Variants in CEP112 observed in about 807,000 individuals in gnomAD.
CEP112 encodes the protein centrosomal protein of 112 kDa.
CEP112 carries 127 observed loss-of-function variants against 153.0 expected under a neutral mutation model. The observed-to-expected ratio is 0.83, with a 90% CI of 0.72 to 0.96. The LOEUF (loss-of-function observed/expected upper bound fraction) is 0.96, where lower values mean the gene tolerates loss of function less well. Among genes scored for constraint, CEP112 ranks in the 40% least tolerant of loss-of-function variants. CEP112 has a pLI of 0.00. For synonymous variants in CEP112, 358 were observed against 374.4 expected (o/e 0.96, Z 0.51); for missense variants, 1,089 against 1,101.2 (o/e 0.99, Z 0.16).
chr17:65,670,976 A>T (rs1162614823), intron 24 of CEP112, among the ~76,000 whole-genome samples: 4 of 152,210 alleles, frequency 2.6e-5, no homozygotes, highest in Non-Finnish European at 4.4e-5. Context: ...TTGAAAAAAT[A>T]ACCCATTATT....
In CEP112 at chr17:65,761,273, T is replaced by A. The variant is rs75339836; in HGVS notation, c.2395-10549A>T. On this transcript the variant is annotated intron_variant, in intron 21 of 26. Coordinates refer to ENST00000535342, the MANE Select transcript of CEP112 (RefSeq NM_001199165.4). The stretch of plus-strand genomic sequence containing the variant: ...TGCTCTAATTCTTTTAAACTTTTTT[T>A]AAATTATTTTTATTTTTATTTTTAA... Among the ~76,000 whole-genome samples, 1,415 of 151,874 alleles carry A rather than the reference T, an allele frequency of 9.3e-3. 22 individuals are homozygous for A. Among genetic ancestry groups the A allele is most frequent in the African/African-American group, 0.031 (1,281 of 41,486 alleles).
chr17:65,982,226 TA>T (rs1255353226), intron 17 of CEP112, among the ~76,000 whole-genome samples: 1 of 152,224 alleles, frequency 6.6e-6, no homozygotes, highest in Non-Finnish European at 1.5e-5. Context: ...AATTATATGC[TA>T]TTTTTTATGA....
At chr17:66,100,332 G>A (rs184914348) in intron 6 of CEP112, among the ~76,000 whole-genome samples, 2,193 of 151,162 alleles carry the variant, frequency 0.015, 25 homozygotes, top group Middle Eastern at 0.048. Context: ...CCCTGGAGGC[G>A]GAGCTTGCAG....
At chr17:65,750,404 T>A (rs1039342416) in intron 22 of CEP112, among the ~76,000 whole-genome samples, 41 of 152,164 alleles carry the variant, frequency 2.7e-4, no homozygotes, top group African/African-American at 9.4e-4. Context: ...TTTTACAACA[T>A]CTGAGAGTGT....
chr17:66,034,026 A>AC (rs753898135), intron 12 of CEP112, among the ~76,000 whole-genome samples: 33 of 152,118 alleles, frequency 2.2e-4, no homozygotes, highest in Non-Finnish European at 4.3e-4. Flanking sequence ...CTTTTTCTGT[A>AC]CCCAGACTCC....
intron 23 of CEP112, among the ~76,000 whole-genome samples, chr17:65,716,612 T>C (rs1598386969): frequency 6.6e-6 from 1 of 152,326 alleles, no homozygotes; most frequent in Middle Eastern, 3.4e-3. Context: ...TCTGAAATAC[T>C]ATATTGTGCG....
intron 6 of CEP112, among the ~76,000 whole-genome samples, chr17:66,121,076 C>G (rs1324182443): frequency 6.6e-6 from 1 of 151,804 alleles, no homozygotes; most frequent in Non-Finnish European, 1.5e-5. Context: ...GTTGGGAGTT[C>G]GAGACCAGTC....
intron 8 of CEP112, among the ~76,000 whole-genome samples, chr17:66,074,505 TATGCAGGATAA>T (rs2067413243): frequency 6.6e-6 from 1 of 152,104 alleles, no homozygotes; most frequent in Admixed American, 6.6e-5. Flanking sequence ...CAATGAACTC[TATGCAGGATAA>T]ATGCAAGAAA....
intron 12 of CEP112, among the ~76,000 whole-genome samples, chr17:66,041,679 C>G (rs1293493489): frequency 6.6e-6 from 1 of 152,042 alleles, no homozygotes. Flanking sequence ...GCACAGAAGT[C>G]AAATGAAAGA....
In CEP112 at chr17:66,138,554, C is replaced by T. The variant is rs73353863; in HGVS notation, c.471-5791G>A. On this transcript the variant is annotated intron_variant, in intron 4 of 26. Coordinates refer to ENST00000535342, the MANE Select transcript of CEP112 (RefSeq NM_001199165.4). ...ATACAGAATATTAAAAGGTGAAAAT[C>T]GGGACATTAATAACAAAGTGTGTGA... Among the ~76,000 whole-genome samples the T allele has an allele frequency of 7.7e-3, 1,177 of 152,126 alleles. 15 individuals are homozygous for T. Among genetic ancestry groups the T allele is most frequent in the African/African-American group, 0.027 (1,115 of 41,506 alleles).
chr17:66,002,021 T>A (rs1336830679), intron 17 of CEP112, among the ~76,000 whole-genome samples: 1 of 152,196 alleles, frequency 6.6e-6, no homozygotes, highest in Non-Finnish European at 1.5e-5. Context: ...TTGAAAAGAA[T>A]AGTAAGGCAA....
At chr17:65,760,148 C>A (rs368966439) in intron 21 of CEP112, among the ~76,000 whole-genome samples, 15 of 152,220 alleles carry the variant, frequency 9.9e-5, no homozygotes, top group African/African-American at 2.9e-4. Context: ...CTTATCAGTT[C>A]CAAGAGTTTG....
chr17:65,721,438 G>T (rs771252384), intron 23 of CEP112, among the ~76,000 whole-genome samples: 15 of 152,172 alleles, frequency 9.9e-5, no homozygotes, highest in Non-Finnish European at 2.9e-5. Context: ...TTCATAGTTT[G>T]GCAAAGGTTG....
Position 65,985,775 on chromosome 17 carries a change from C to T in CEP112, c.1736+19915G>A, listed in dbSNP as rs542504934. ...TTCCACTGCTCAGGAGGTCATACAG[C>T]TCTGCATGCCTCACTCCATCCTCTT... On this transcript the variant is annotated intron_variant, in intron 17 of 26. Coordinates refer to ENST00000535342, the MANE Select transcript of CEP112 (RefSeq NM_001199165.4). Among the ~76,000 whole-genome samples the T allele has an allele frequency of 2.6e-5, 4 of 151,806 alleles. No individual in the cohort carries two copies. In the South Asian group the frequency reaches 8.3e-4, roughly 32 times the overall value.
intron 11 of CEP112, among the ~76,000 whole-genome samples, chr17:66,055,387 T>C (rs2066638245): frequency 6.6e-6 from 1 of 152,196 alleles, no homozygotes; most frequent in African/African-American, 2.4e-5. Flanking sequence ...TAATTTTTAG[T>C]TTTGCTGAAA....
rs762352624 is a variant in CEP112, at chr17:65,640,137, C to CATAT, written c.2799+823_2799+826dup. 4.1e-4 allele frequency among the ~76,000 whole-genome samples: 46 copies of CATAT among 112,128 alleles called. 1 individual carries two copies. Among genetic ancestry groups the CATAT allele is most frequent in the East Asian group, 2.0e-3 (7 of 3,494 alleles). 73.6% of individuals were successfully genotyped at this position (112,128 alleles called of 152,430 possible). A position where few individuals can be genotyped will look rare whatever the true frequency, so the allele number is the denominator to read the frequency against. On this transcript the variant is annotated intron_variant, in intron 25 of 26. Coordinates refer to ENST00000535342, the MANE Select transcript of CEP112 (RefSeq NM_001199165.4). ...ACAGGCGTGAGCCACTGCACCCGAC[C>CATAT]ATATATATATATATATATTTTTTTT...
intron 24 of CEP112, among the ~76,000 whole-genome samples, chr17:65,656,019 T>C (rs1377045801): frequency 6.6e-6 from 1 of 152,194 alleles, no homozygotes; most frequent in Non-Finnish European, 1.5e-5. Context: ...AGTTTTCTGG[T>C]AACTGGAATC....
rs116547880 is a variant in CEP112, at chr17:65,994,387, G to A, written c.1736+11303C>T. Among the ~76,000 whole-genome samples, 719 of 152,216 alleles carry A rather than the reference G, an allele frequency of 4.7e-3. 5 individuals carry two copies. Among genetic ancestry groups the A allele is most frequent in the African/African-American group, 0.017 (694 of 41,522 alleles). ...CTCTTACCCAAGCTGGAGTATGGTG[G>A]CGTGGTCATAGCTCACTGCAGTCTC... is the stretch of plus-strand genomic sequence containing the variant. On this transcript the variant is annotated intron_variant, in intron 17 of 26. Coordinates refer to ENST00000535342, the MANE Select transcript of CEP112 (RefSeq NM_001199165.4).
chr17:65,908,466 C>T (rs8081230), intron 19 of CEP112, among the ~76,000 whole-genome samples: 32,836 of 151,990 alleles, frequency 0.22, 3,767 homozygotes, highest in South Asian at 0.38. Flanking sequence ...GAGGCTGAGC[C>T]GGGCGGATCA....
Sources: gnomAD v4.1 joint callset for allele counts (sites outside exome capture counted in the v4.1 genomes callset) on GRCh38, gnomAD v4.1.1 for gene constraint, MANE v1.5 for transcripts, NCBI Gene and HGNC (gene_info 2026-07-23, HGNC 2026-07-21) for gene names.